Variants in HDAC8 observed in about 807,000 individuals in gnomAD.
HDAC8 encodes the protein histone deacetylase-like 1.
A neutral mutation model predicts 32.2 loss-of-function variants in HDAC8; 1 was observed. That is an observed-to-expected ratio of 0.03 (90% CI 0.01 to 0.15). HDAC8 has a LOEUF of 0.15. Among genes scored for constraint, HDAC8 ranks in the 10% least tolerant of loss-of-function variants. The pLI is 1.00. For missense variants in HDAC8, 117 were observed against 300.0 expected, an observed-to-expected ratio of 0.39 and a Z score of 4.51; for synonymous variants, 108 against 113.9, an observed-to-expected ratio of 0.95 and a Z score of 0.33.
chrX:72,353,288 C>T (rs1310688210), intron 9 of HDAC8, among the ~76,000 whole-genome samples: 4 of 112,032 alleles, frequency 3.6e-5, no homozygotes, highest in African/African-American at 6.5e-5. Flanking sequence ...TGACAGAAAA[C>T]TCTACACATT....
intron 5 of HDAC8, among the ~76,000 whole-genome samples, chrX:72,492,759 T>C (rs2048909440): frequency 8.9e-6 from 1 of 111,787 alleles, no homozygotes; most frequent in Non-Finnish European, 1.9e-5. Flanking sequence ...GTAGAGTTGA[T>C]TGTATTCTTA....
chrX:72,465,988 CAT>C (rs1401786520), intron 7 of HDAC8, among the ~76,000 whole-genome samples: 2 of 111,690 alleles, frequency 1.8e-5, no homozygotes, highest in East Asian at 5.6e-4. Flanking sequence ...AAAATAATGA[CAT>C]ATGATCCTTA....
At chrX:72,474,751 G>A in intron 7 of HDAC8, 1 of 964,101 alleles carries the variant, frequency 1.0e-6, no homozygotes, top group South Asian at 2.1e-5. Context: ...AAAAGCCAGA[G>A]TGGTGACATT....
chrX:72,440,227 G>C (rs2047085281), intron 9 of HDAC8, among the ~76,000 whole-genome samples: 1 of 111,624 alleles, frequency 9.0e-6, no homozygotes, highest in South Asian at 3.8e-4. Flanking sequence ...AATGACTACT[G>C]GGTACATAAC....
intron 7 of HDAC8, chrX:72,466,562 G>A (rs1555994723): frequency 8.9e-6 from 1 of 111,808 alleles, no homozygotes; most frequent in African/African-American, 3.2e-5. Context: ...TGGTAACAAC[G>A]ATTCCTGGTA....
chrX:72,474,781 A>G (rs1340172044), intron 7 of HDAC8: 28 of 783,111 alleles, frequency 3.6e-5, no homozygotes, highest in Middle Eastern at 2.9e-4. Flanking sequence ...TTTGGATAAA[A>G]GAAAAGCCCA....
intron 4 of HDAC8, among the ~76,000 whole-genome samples, chrX:72,516,408 T>C (rs1264450766): frequency 1.8e-5 from 2 of 111,259 alleles, no homozygotes; most frequent in African/African-American, 3.3e-5. Context: ...TCTTGTTTTT[T>C]TTTTTCACTA....
intron 9 of HDAC8, among the ~76,000 whole-genome samples, chrX:72,411,577 C>A (rs2046198962): frequency 1.8e-5 from 2 of 111,613 alleles, no homozygotes; most frequent in Admixed American, 9.5e-5. Flanking sequence ...ACTGTTGTAC[C>A]TCTAGTATCC....
At chrX:72,351,008 A>G (rs1555948661) in intron 10 of HDAC8, among the ~76,000 whole-genome samples, 3 of 112,332 alleles carry the variant, frequency 2.7e-5, no homozygotes, top group African/African-American at 9.7e-5. Context: ...GTAGTTCCAC[A>G]TTCTTTCAAG....
intron 4 of HDAC8, among the ~76,000 whole-genome samples, chrX:72,548,931 T>G (rs1207718322): frequency 8.9e-6 from 1 of 112,047 alleles, no homozygotes; most frequent in Non-Finnish European, 1.9e-5. Context: ...GAAAGAGCCT[T>G]TTTAGATACC....
At chrX:72,361,636 G>A (rs1156373324) in intron 9 of HDAC8, among the ~76,000 whole-genome samples, 6 of 109,640 alleles carry the variant, frequency 5.5e-5, no homozygotes, top group South Asian at 4.0e-4. Flanking sequence ...GTGTGTGTGC[G>A]TGTATATGTT....
Position 72,506,499 on chromosome X carries a change from G to C in HDAC8, c.438-11231C>G, listed in dbSNP as rs1347218020. ...TACTAGACTTCTTTAAAACAACTCA[G>C]TCATGTGGGAACAAATCCATTCCCA... On this transcript the variant is annotated intron_variant, in intron 4 of 10. Transcript: ENST00000373573. 2.7e-5 allele frequency among the ~76,000 whole-genome samples: 3 copies of C among 111,672 alleles called. No individual in the cohort carries two copies. The East Asian group carries it at 8.5e-4, about 32-fold the overall frequency.
intron 9 of HDAC8, among the ~76,000 whole-genome samples, chrX:72,389,627 C>A (rs1326994272): frequency 2.7e-5 from 3 of 112,151 alleles, no homozygotes; most frequent in Non-Finnish European, 5.6e-5. Flanking sequence ...CTCAAGATCA[C>A]ACTTCTAGTT....
intron 9 of HDAC8, among the ~76,000 whole-genome samples, chrX:72,432,131 C>T (rs1293891366): frequency 9.0e-6 from 1 of 110,594 alleles, no homozygotes; most frequent in African/African-American, 3.3e-5. Flanking sequence ...CCACCTCACC[C>T]AATTAATTTT....
intron 9 of HDAC8, among the ~76,000 whole-genome samples, chrX:72,387,404 C>T (rs1217531233): frequency 8.9e-6 from 1 of 112,162 alleles, no homozygotes; most frequent in Non-Finnish European, 1.9e-5. Flanking sequence ...TAGCTCTCTT[C>T]CTGCTATAGC....
chrX:72,404,287 C>T (rs1182119842), intron 9 of HDAC8, among the ~76,000 whole-genome samples: 3 of 110,711 alleles, frequency 2.7e-5, no homozygotes, highest in African/African-American at 9.9e-5. Flanking sequence ...TTAGGGTTGC[C>T]CTTGGAATTT....
intron 9 of HDAC8, among the ~76,000 whole-genome samples, chrX:72,438,707 G>A (rs1233892761): frequency 9.0e-6 from 1 of 110,594 alleles, no homozygotes; most frequent in Non-Finnish European, 1.9e-5. Flanking sequence ...TGGAAGACAG[G>A]ATATCAGAGA....
intron 9 of HDAC8, among the ~76,000 whole-genome samples, chrX:72,433,599 G>A (rs2046875472): frequency 2.7e-5 from 3 of 111,906 alleles, no homozygotes; most frequent in Admixed American, 9.5e-5. Context: ...ACCCAATATC[G>A]TGTGTATATA....
At chrX:72,519,071 C>G (rs900747411) in intron 4 of HDAC8, among the ~76,000 whole-genome samples, 4 of 112,537 alleles carry the variant, frequency 3.6e-5, no homozygotes, top group African/African-American at 3.2e-5. Context: ...CATACATTTT[C>G]AAGTCAATTG....
Sources: gnomAD v4.1 joint callset for allele counts (sites outside exome capture counted in the v4.1 genomes callset) on GRCh38, gnomAD v4.1.1 for gene constraint, MANE v1.5 for transcripts, NCBI Gene and HGNC (gene_info 2026-07-23, HGNC 2026-07-21) for gene names.